PCDH9: variants seen among roughly 807,000 people sequenced by gnomAD.
The protein encoded by PCDH9 is protocadherin 9.
A neutral mutation model predicts 70.6 loss-of-function variants in PCDH9; 24 were observed. That is an observed-to-expected ratio of 0.34 (90% CI 0.25 to 0.48). The LOEUF (loss-of-function observed/expected upper bound fraction) is 0.48, where lower values mean the gene tolerates loss of function less well. Among genes scored for constraint, PCDH9 ranks in the 20% least tolerant of loss-of-function variants. The pLI is 0.99. For missense variants in PCDH9, 1,281 were observed against 1,503.6 expected, an observed-to-expected ratio of 0.85 and a Z score of 2.45; for synonymous variants, 562 against 558.5, an observed-to-expected ratio of 1.01 and a Z score of -0.09.
intron 2 of PCDH9, among the ~76,000 whole-genome samples, chr13:67,003,815 C>A (rs1244412265): frequency 6.6e-6 from 1 of 152,104 alleles, no homozygotes; most frequent in East Asian, 1.9e-4. Context: ...ATGATTGCTC[C>A]TCGTTATTAG....
At chr13:66,808,438 G>A (rs983162324) in intron 3 of PCDH9, among the ~76,000 whole-genome samples, 3 of 151,906 alleles carry the variant, frequency 2.0e-5, no homozygotes, top group Non-Finnish European at 2.9e-5. Flanking sequence ...TTACATTTAC[G>A]ATAATATATT....
intron 3 of PCDH9, among the ~76,000 whole-genome samples, chr13:66,717,444 T>C: frequency 1.4e-5 from 1 of 73,770 alleles, no homozygotes; most frequent in African/African-American, 5.7e-5. Flanking sequence ...AGAGCAAGAC[T>C]CTGTCTCAAA....
At chr13:66,587,600 T>C (rs528990214) in intron 4 of PCDH9, among the ~76,000 whole-genome samples, 10 of 152,100 alleles carry the variant, frequency 6.6e-5, no homozygotes, top group Admixed American at 5.9e-4. Context: ...CCCCAGTTAT[T>C]TATCAGAATT....
At chr13:66,537,954 T>A (rs1185986402) in intron 4 of PCDH9, among the ~76,000 whole-genome samples, 1 of 152,140 alleles carries the variant, frequency 6.6e-6, no homozygotes, top group African/African-American at 2.4e-5. Context: ...TTACTTTTCC[T>A]TTTATCTTTT....
chr13:67,186,061 T>C (rs2088751694), intron 2 of PCDH9, among the ~76,000 whole-genome samples: 1 of 152,116 alleles, frequency 6.6e-6, no homozygotes, highest in African/African-American at 2.4e-5. Context: ...GCATTTAAGA[T>C]TGTTCAAAAG....
chr13:66,438,422 T>C (rs1380333287), intron 4 of PCDH9, among the ~76,000 whole-genome samples: 1 of 151,104 alleles, frequency 6.6e-6, no homozygotes, highest in Non-Finnish European at 1.5e-5. Flanking sequence ...GTTTAGGCAC[T>C]AGCAAGGCAA....
chr13:67,224,181 G>C (rs772302431), intron 2 of PCDH9: 23 of 152,144 alleles, frequency 1.5e-4, no homozygotes, highest in Non-Finnish European at 3.1e-4. Flanking sequence ...AAGTACAGAT[G>C]GGCCATCACC....
intron 3 of PCDH9, among the ~76,000 whole-genome samples, chr13:66,702,595 C>T (rs573030021): frequency 6.6e-6 from 1 of 152,268 alleles, no homozygotes; most frequent in East Asian, 1.9e-4. Flanking sequence ...CCATGCCCCC[C>T]ACCAGTATAC....
At chr13:66,737,348 G>C (rs1195491612) in intron 3 of PCDH9, among the ~76,000 whole-genome samples, 1 of 152,172 alleles carries the variant, frequency 6.6e-6, no homozygotes, top group Non-Finnish European at 1.5e-5. Context: ...ACTGGTTCTT[G>C]AAACTTTCTT....
chr13:66,943,887 A>G (rs2083045805), intron 2 of PCDH9, among the ~76,000 whole-genome samples: 1 of 152,096 alleles, frequency 6.6e-6, no homozygotes, highest in African/African-American at 2.4e-5. Flanking sequence ...TGATTTGGAT[A>G]CCAATGAAGT....
intron 3 of PCDH9, among the ~76,000 whole-genome samples, chr13:66,709,907 G>A (rs766949361): frequency 6.6e-6 from 1 of 152,080 alleles, no homozygotes; most frequent in Non-Finnish European, 1.5e-5. Flanking sequence ...GGAGAAGGAT[G>A]AACTAGACAA....
chr13:66,378,981 GA>G (rs1956795441), intron 4 of PCDH9, among the ~76,000 whole-genome samples: 1 of 152,208 alleles, frequency 6.6e-6, no homozygotes, highest in African/African-American at 2.4e-5. Context: ...TCTCTCAAGG[GA>G]AACTATGCAG....
chr13:66,884,930 T>C (rs1464192644), intron 3 of PCDH9, among the ~76,000 whole-genome samples: 1 of 152,182 alleles, frequency 6.6e-6, no homozygotes, highest in African/African-American at 2.4e-5. Context: ...CCTATCTCAG[T>C]AAGTCTTTAC....
rs116012227 is a variant in PCDH9, at chr13:66,336,272, T to A, written c.3341-31244A>T. ...AGGCTTTGCAGGATTTTTTTTTTTT[T>A]AATTTACAAAATCCACAGTACTGTA... On this transcript the variant is annotated intron_variant, in intron 4 of 4. Coordinates refer to ENST00000377865, the MANE Select transcript of PCDH9 (RefSeq NM_203487.3). 9.0e-3 allele frequency among the ~76,000 whole-genome samples: 1,364 copies of A among 151,934 alleles called. 21 individuals are homozygous for A. Among genetic ancestry groups the A allele is most frequent in the African/African-American group, 0.031 (1,276 of 41,450 alleles).
chr13:67,005,965 G>A (rs1356686607), intron 2 of PCDH9, among the ~76,000 whole-genome samples: 1 of 152,154 alleles, frequency 6.6e-6, no homozygotes, highest in East Asian at 1.9e-4. Context: ...GGCGGCTCAC[G>A]CCTGTAATCC....
intron 2 of PCDH9, among the ~76,000 whole-genome samples, chr13:67,082,034 A>T (rs1478087719): frequency 6.6e-6 from 1 of 152,200 alleles, no homozygotes; most frequent in Non-Finnish European, 1.5e-5. Context: ...TGCCATAAGC[A>T]CTGCCGTGCC....
intron 2 of PCDH9, among the ~76,000 whole-genome samples, chr13:67,147,776 T>C (rs1393685409): frequency 6.6e-6 from 1 of 152,200 alleles, no homozygotes; most frequent in East Asian, 1.9e-4. Context: ...TCAATGAGTA[T>C]CAGGAGAATG....
chr13:66,680,048 A>C (rs9599131), intron 3 of PCDH9, among the ~76,000 whole-genome samples: 49,318 of 151,762 alleles, frequency 0.32, 8,810 homozygotes, highest in East Asian at 0.56. Context: ...CATGTGTTTA[A>C]GAGTTCAGAT....
At chr13:66,934,541 C>CA (rs553566707) in intron 2 of PCDH9, among the ~76,000 whole-genome samples, 679 of 45,362 alleles carry the variant, frequency 0.015, 4 homozygotes, top group South Asian at 0.068. Flanking sequence ...AACTCAGTCC[C>CA]AAAAAAAAAA....
Sources: allele counts gnomAD v4.1 joint callset (sites outside exome capture counted in the v4.1 genomes callset), GRCh38; gene constraint gnomAD v4.1.1; transcripts MANE v1.5; gene names NCBI Gene and HGNC (gene_info 2026-07-23, HGNC 2026-07-21).